MAD1L1: variants seen among roughly 807,000 people sequenced by gnomAD.
MAD1L1 encodes the protein mitotic spindle assembly checkpoint protein MAD1.
In MAD1L1, 95 loss-of-function variants were observed where a neutral mutation model predicts 96.9. That is an observed-to-expected ratio of 0.98 (90% CI 0.83 to 1.16). The LOEUF (loss-of-function observed/expected upper bound fraction) is 1.16, where lower values mean the gene tolerates loss of function less well. Ranked by LOEUF, MAD1L1 falls within the 50% of genes most tolerant of loss-of-function variation. The pLI is 0.00. For synonymous variants in MAD1L1, 473 were observed against 396.6 expected (o/e 1.19, Z -2.29); for missense variants, 1,007 against 954.4 (o/e 1.06, Z -0.73).
rs530279464 is a variant in MAD1L1, at chr7:1,887,364, T to G, written c.1998+10836A>C. 2.6e-5 allele frequency among the ~76,000 whole-genome samples: 4 copies of G among 151,126 alleles called. No homozygotes were observed. In the East Asian group the frequency reaches 7.9e-4, roughly 30 times the overall value. On this transcript the variant is annotated intron_variant, in intron 18 of 18. Transcript: ENST00000265854. ...GTGTACGTGTGAGCATGCATGTGTG[T>G]GGGTGGCTGTGCATGCGTGTACATG...
chr7:1,918,443 G>A (rs1313773984), intron 17 of MAD1L1, among the ~76,000 whole-genome samples: 1 of 152,192 alleles, frequency 6.6e-6, no homozygotes, highest in Non-Finnish European at 1.5e-5. Flanking sequence ...ACGCCACTGG[G>A]GACGGTGCTT....
chr7:2,073,138 G>A (rs1024921726), intron 11 of MAD1L1, among the ~76,000 whole-genome samples: 2 of 152,164 alleles, frequency 1.3e-5, no homozygotes, highest in Admixed American at 1.3e-4. Flanking sequence ...GCACCGAGGC[G>A]CCCCAAGCCC....
chr7:2,157,464 G>C (rs564911602), intron 10 of MAD1L1, among the ~76,000 whole-genome samples: 1 of 152,300 alleles, frequency 6.6e-6, no homozygotes, highest in African/African-American at 2.4e-5. Flanking sequence ...CTCCCGACAC[G>C]GAAGACGCTG....
At chr7:2,194,116 T>G (rs73041313) in intron 10 of MAD1L1, among the ~76,000 whole-genome samples, 4,588 of 151,750 alleles carry the variant, frequency 0.03, 110 homozygotes, top group South Asian at 0.077. Flanking sequence ...GCTAATTTTT[T>G]TGTGTGTGTG....
chr7:1,935,336 G>C (rs1031847800), intron 17 of MAD1L1, among the ~76,000 whole-genome samples: 38 of 152,224 alleles, frequency 2.5e-4, no homozygotes, highest in Non-Finnish European at 5.1e-4. Flanking sequence ...TGTGCAGGTG[G>C]GGAGCTGGAA....
At chr7:1,995,789 C>T (rs550848200) in intron 14 of MAD1L1, among the ~76,000 whole-genome samples, 2 of 151,644 alleles carry the variant, frequency 1.3e-5, no homozygotes, top group African/African-American at 2.4e-5. Context: ...TACAGAACCC[C>T]GGTGCCACCA....
intron 11 of MAD1L1, among the ~76,000 whole-genome samples, chr7:2,132,865 G>C (rs1788583964): frequency 6.6e-6 from 1 of 152,226 alleles, no homozygotes; most frequent in Admixed American, 6.5e-5. Flanking sequence ...ACGATTGGAA[G>C]CAGGACCTGA....
At chr7:1,822,918 C>A (rs150588373) in intron 18 of MAD1L1, among the ~76,000 whole-genome samples, 1 of 151,932 alleles carries the variant, frequency 6.6e-6, no homozygotes, top group South Asian at 2.1e-4. Context: ...GATGTGGAGA[C>A]CAGCAGAACA....
At position 2,146,137 on chromosome 7, in the gene MAD1L1, C is replaced by A. The variant is rs546797436; in HGVS notation, c.1073+3015G>T. 9.8e-5 allele frequency among the ~76,000 whole-genome samples: 15 copies of A among 152,322 alleles called. No individual in the cohort carries two copies. The highest frequency in any genetic ancestry group is 3.4e-4 in the African/African-American group (14 of 41,572). On this transcript the variant is annotated intron_variant, in intron 11 of 18. Transcript: ENST00000265854. The surrounding 1 kb of genome is among the most constrained non-coding windows in gnomAD (Gnocchi z 6.2). ...AGCCAAGCTCCTGAAAACAGGCACACGAATGACCCAGCCGTCACTTCAGAA... is the reference window on the plus strand; with the variant it reads ...AGCCAAGCTCCTGAAAACAGGCACAAGAATGACCCAGCCGTCACTTCAGAA...
chr7:2,014,650 C>A lies in MAD1L1; in HGVS notation c.1219-8G>T. 1.2e-6 allele frequency: 2 copies of A among 1,605,042 alleles called. No individual in the cohort carries two copies. Among genetic ancestry groups the A allele is most frequent in the Non-Finnish European group, 1.7e-6 (2 of 1,175,476 alleles). On this transcript the variant is annotated splice_polypyrimidine_tract_variant and splice_region_variant and intron_variant, in intron 12 of 18. Coordinates refer to ENST00000265854, the MANE Select transcript of MAD1L1 (RefSeq NM_001013836.2). ...CCGCATACCGTCCCGCTCCTGTGGA[C>A]ACAGAGGGCAGCTGATCAGGACCCG...
At chr7:2,226,918 C>G (rs1164928234) in intron 3 of MAD1L1, among the ~76,000 whole-genome samples, 2 of 151,218 alleles carry the variant, frequency 1.3e-5, no homozygotes, top group Non-Finnish European at 2.9e-5. Context: ...ACCCAGGAGG[C>G]GAAGGTTGCA....
At chr7:1,836,526 G>C (rs1191308178) in intron 18 of MAD1L1, among the ~76,000 whole-genome samples, 1 of 152,146 alleles carries the variant, frequency 6.6e-6, no homozygotes, top group African/African-American at 2.4e-5. Context: ...ATTCAAAATG[G>C]AGTCACTCTG....
chr7:1,985,772 A>G (rs1216461375), intron 14 of MAD1L1, among the ~76,000 whole-genome samples: 2 of 81,930 alleles, frequency 2.4e-5, no homozygotes, highest in Admixed American at 3.1e-4. Flanking sequence ...GCATCCGGTC[A>G]CCTTCCTTCC....
intron 17 of MAD1L1, among the ~76,000 whole-genome samples, chr7:1,899,914 G>A (rs1005101629): frequency 6.6e-6 from 1 of 152,208 alleles, no homozygotes; most frequent in Non-Finnish European, 1.5e-5. Flanking sequence ...GAGGACGCGG[G>A]AGGGGCCGCG....
chr7:2,207,805 A>T (rs1432974752), intron 10 of MAD1L1, among the ~76,000 whole-genome samples: 139 of 152,228 alleles, frequency 9.1e-4, no homozygotes, highest in Admixed American at 9.0e-3. Context: ...TGAAAGAGGA[A>T]GAGAAGAAAA....
At chr7:1,950,081 G>C (rs917781955) in intron 16 of MAD1L1, among the ~76,000 whole-genome samples, 1 of 36,252 alleles carries the variant, frequency 2.8e-5, no homozygotes, top group Admixed American at 2.2e-4. Context: ...ACTACTAGAC[G>C]ATCTCTAGAC....
chr7:2,010,382 G>A (rs534523219), intron 13 of MAD1L1, among the ~76,000 whole-genome samples: 3 of 152,078 alleles, frequency 2.0e-5, no homozygotes, highest in South Asian at 2.1e-4. Flanking sequence ...AACCTGAAAC[G>A]GGGATTCTCC....
intron 11 of MAD1L1, among the ~76,000 whole-genome samples, chr7:2,089,405 C>G (rs1786093307): frequency 6.6e-6 from 1 of 152,200 alleles, no homozygotes; most frequent in Admixed American, 6.5e-5. Flanking sequence ...GCTTCTTCCT[C>G]ATTTTCTCTT....
In MAD1L1 at chr7:1,998,409, A is replaced by G. The variant is rs576287677; in HGVS notation, c.1416+3656T>C. On this transcript the variant is annotated intron_variant, in intron 14 of 18. Coordinates refer to ENST00000265854, the MANE Select transcript of MAD1L1 (RefSeq NM_001013836.2). ...CAGGTGCCGGGCAGGTGGCTCAGCC[A>G]TAATGCCGAGGGCTTGGCCTGTGCT... 7.6e-4 allele frequency among the ~76,000 whole-genome samples: 116 copies of G among 152,342 alleles called. 1 individual carries two copies. The highest frequency in any genetic ancestry group is 5.7e-3 in the Admixed American group (87 of 15,308).
Sources: gnomAD v4.1 joint callset for allele counts (sites outside exome capture counted in the v4.1 genomes callset) on GRCh38, gnomAD v4.1.1 for gene constraint, Gnocchi (gnomAD v3.1) non-coding constraint, MANE v1.5 for transcripts, NCBI Gene and HGNC (gene_info 2026-07-23, HGNC 2026-07-21) for gene names.